TASP1: variants seen among roughly 807,000 people sequenced by gnomAD.
TASP1 encodes the protein threonine aspartase 1.
A neutral mutation model predicts 56.6 loss-of-function variants in TASP1; 16 were observed. The observed-to-expected ratio is 0.28, with a 90% CI of 0.19 to 0.43. TASP1 has a LOEUF of 0.43. Ranked by LOEUF, TASP1 falls within the 20% of genes least tolerant of loss-of-function variation. The pLI, the probability that TASP1 is intolerant of heterozygous loss-of-function variation, is 1.00. For missense variants in TASP1, 393 were observed against 511.6 expected, an observed-to-expected ratio of 0.77 and a Z score of 2.24; for synonymous variants, 179 against 184.2, an observed-to-expected ratio of 0.97 and a Z score of 0.23.
the TASP1 span, among the ~76,000 whole-genome samples, chr20:13,175,117 G>A: frequency 1.3e-5 from 2 of 152,180 alleles, no homozygotes; most frequent in African/African-American, 4.8e-5. Flanking sequence ...TCTCAGGTAT[G>A]TCTTTATTAG....
intron 10 of TASP1, among the ~76,000 whole-genome samples, chr20:13,498,035 C>T (rs1169121653): frequency 1.3e-5 from 2 of 152,058 alleles, no homozygotes; most frequent in Non-Finnish European, 2.9e-5. Context: ...CTAGGAAATA[C>T]CATCCTGGAC....
At chr20:13,512,213 G>C (rs1172417070) in intron 10 of TASP1, among the ~76,000 whole-genome samples, 4 of 152,090 alleles carry the variant, frequency 2.6e-5, no homozygotes, top group African/African-American at 9.7e-5. Context: ...CTAGTTTACA[G>C]TCCTACCAAC....
At chr20:13,561,450 C>G (rs1243113374) in intron 7 of TASP1, among the ~76,000 whole-genome samples, 1 of 152,158 alleles carries the variant, frequency 6.6e-6, no homozygotes, top group African/African-American at 2.4e-5. Context: ...ACTACAACCC[C>G]TGCCTCCCAG....
At chr20:13,485,695 A>C (rs1318684597) in intron 10 of TASP1, among the ~76,000 whole-genome samples, 20 of 152,232 alleles carry the variant, frequency 1.3e-4, no homozygotes, top group Admixed American at 1.3e-3. Context: ...GATGACAATA[A>C]AGCTAACAGA....
Position 13,435,641 on chromosome 20 carries a change from A to G in TASP1, c.986-487T>C, listed in dbSNP as rs578021665. ...ATGCTTCTGATGGTTCGCACAAATA[A>G]GGGTGAAACTGCATTTCTATGATGA... On this transcript the variant is annotated intron_variant, in intron 11 of 13. Transcript: ENST00000337743. Among the ~76,000 whole-genome samples the G allele has an allele frequency of 1.1e-4, 17 of 152,302 alleles. 1 individual carries two copies. The East Asian group carries it at 1.7e-3, about 16-fold the overall frequency.
At chr20:13,318,175 G>C in the TASP1 span, among the ~76,000 whole-genome samples, 20 of 45,750 alleles carry the variant, frequency 4.4e-4, no homozygotes, top group African/African-American at 1.1e-3. Context: ...ATGAGCCAAA[G>C]ACTCTAACAG....
intron 12 of TASP1, among the ~76,000 whole-genome samples, chr20:13,432,322 T>C (rs1381483123): frequency 6.6e-6 from 1 of 152,198 alleles, no homozygotes; most frequent in Non-Finnish European, 1.5e-5. Flanking sequence ...AATAGATGTG[T>C]GAGCACATTC....
the TASP1 span, among the ~76,000 whole-genome samples, chr20:13,242,614 G>A: frequency 0.25 from 37,693 of 152,036 alleles, 4,768 homozygotes; most frequent in African/African-American, 0.3. Flanking sequence ...GCAGCTGGGG[G>A]AGCCATGATG....
chr20:13,589,021 A>C (rs1352939617), intron 4 of TASP1, among the ~76,000 whole-genome samples: 1 of 151,836 alleles, frequency 6.6e-6, no homozygotes. Flanking sequence ...CAAGGTTGCC[A>C]CAACAATTCA....
intron 8 of TASP1, among the ~76,000 whole-genome samples, chr20:13,538,962 C>T (rs374709178): frequency 6.6e-6 from 1 of 152,004 alleles, no homozygotes. Flanking sequence ...ATGGGAGAAT[C>T]GCTTGAACCC....
intron 13 of TASP1, among the ~76,000 whole-genome samples, chr20:13,416,577 G>T (rs1222271892): frequency 6.6e-6 from 1 of 152,160 alleles, no homozygotes; most frequent in Non-Finnish European, 1.5e-5. Flanking sequence ...GATTCAATCT[G>T]TAACAGACTG....
intron 11 of TASP1, among the ~76,000 whole-genome samples, chr20:13,464,654 A>T (rs1039503364): frequency 2.6e-5 from 4 of 152,290 alleles, no homozygotes; most frequent in East Asian, 1.9e-4. Context: ...CAGTTGCAAA[A>T]GGTCAAATAC....
chr20:13,188,457 A>G, the TASP1 span, among the ~76,000 whole-genome samples: 2 of 152,190 alleles, frequency 1.3e-5, no homozygotes, highest in Non-Finnish European at 1.5e-5. Flanking sequence ...ACAAAAATAT[A>G]CTATCAATAA....
chr20:13,270,848 C>A, the TASP1 span: 2 of 1,050,758 alleles, frequency 1.9e-6, no homozygotes, highest in Admixed American at 2.2e-5. Context: ...TCTTCTTAAC[C>A]CCTTAATGAT....
At chr20:13,592,633 A>G (rs914220383) in intron 4 of TASP1, among the ~76,000 whole-genome samples, 1 of 152,044 alleles carries the variant, frequency 6.6e-6, no homozygotes, top group Admixed American at 6.6e-5. Flanking sequence ...GATGTTGATA[A>G]ATTTTATTAA....
intron 7 of TASP1, among the ~76,000 whole-genome samples, chr20:13,562,379 G>C (rs1162917554): frequency 2.0e-5 from 3 of 151,776 alleles, no homozygotes; most frequent in Admixed American, 6.6e-5. Context: ...AAAGCTAGCA[G>C]AACAAGGGAA....
chr20:13,587,647 A>T (rs2047356666), intron 4 of TASP1, among the ~76,000 whole-genome samples: 1 of 152,112 alleles, frequency 6.6e-6, no homozygotes, highest in Non-Finnish European at 1.5e-5. Flanking sequence ...AAACAAGAGG[A>T]AAGTAAGATT....
At chr20:13,344,190 G>A in the TASP1 span, among the ~76,000 whole-genome samples, 12 of 152,016 alleles carry the variant, frequency 7.9e-5, no homozygotes, top group East Asian at 1.9e-3. Context: ...ACCTCTAGAC[G>A]GCCAGGAAGT....
At chr20:13,151,177 C>G in the TASP1 span, among the ~76,000 whole-genome samples, 19 of 152,364 alleles carry the variant, frequency 1.2e-4, no homozygotes, top group African/African-American at 4.6e-4. Context: ...CTCACAGATT[C>G]TGCTAATAAG....
Sources: gnomAD v4.1 joint callset for allele counts (sites outside exome capture counted in the v4.1 genomes callset) on GRCh38, gnomAD v4.1.1 for gene constraint, MANE v1.5 for transcripts, NCBI Gene and HGNC (gene_info 2026-07-23, HGNC 2026-07-21) for gene names.